The following TRIM5 variants were observed in gnomAD, a reference collection of about 807,000 sequenced individuals.
The protein encoded by TRIM5 is tripartite motif-containing protein 5.
Under a neutral mutation model 35.6 loss-of-function variants are expected in TRIM5, and 31 were observed. The observed-to-expected ratio is 0.87, with a 90% CI of 0.65 to 1.18. TRIM5 has a LOEUF of 1.18. TRIM5 is among the 50% of genes most tolerant of loss of function. TRIM5 has a pLI of 0.00. For synonymous variants in TRIM5, 243 were observed against 215.6 expected (o/e 1.13, Z -1.11); for missense variants, 609 against 591.6 (o/e 1.03, Z -0.31).
At chr11:5,616,241 G>A in the TRIM5 span, among the ~76,000 whole-genome samples, 27 of 146,062 alleles carry the variant, frequency 1.8e-4, 2 homozygotes, top group Non-Finnish European at 3.0e-4. Flanking sequence ...GTGAGCCACC[G>A]CGCCCGGCCT....
At chr11:5,642,843 G>C in the TRIM5 span, 2 of 1,613,348 alleles carry the variant, frequency 1.2e-6, no homozygotes, top group Non-Finnish European at 8.5e-7. Context: ...GTGCTACTGG[G>C]GTAAGAAAAA....
the TRIM5 span, among the ~76,000 whole-genome samples, chr11:5,593,930 C>T: frequency 6.6e-6 from 1 of 152,202 alleles, no homozygotes; most frequent in Non-Finnish European, 1.5e-5. Flanking sequence ...CCTTTTAACA[C>T]TAACAGTATT....
chr11:5,669,492 C>T (rs1473458026), intron 4 of TRIM5, among the ~76,000 whole-genome samples: 2 of 152,292 alleles, frequency 1.3e-5, no homozygotes, highest in South Asian at 2.1e-4. Flanking sequence ...TTATGCCAGA[C>T]ACAATTTTTC....
chr11:5,605,713 GT>G, the TRIM5 span: 1 of 1,003,724 alleles, frequency 1.0e-6, no homozygotes, highest in Non-Finnish European at 1.4e-6. Context: ...CTATTAAACT[GT>G]TTAGAGGTAT....
chr11:5,648,497 C>T, the TRIM5 span, among the ~76,000 whole-genome samples: 1 of 151,954 alleles, frequency 6.6e-6, no homozygotes, highest in African/African-American at 2.4e-5. Context: ...CAGAGGGAGA[C>T]TCCATCTCAA....
chr11:5,616,752 T>C, the TRIM5 span, among the ~76,000 whole-genome samples: 3 of 118,222 alleles, frequency 2.5e-5, no homozygotes, highest in Non-Finnish European at 5.4e-5. Context: ...TTTTTTTTTT[T>C]CCTTGAGATG....
the TRIM5 span, among the ~76,000 whole-genome samples, chr11:5,646,128 C>A: frequency 6.6e-6 from 1 of 150,460 alleles, no homozygotes; most frequent in Non-Finnish European, 1.5e-5. Flanking sequence ...CACACGTACA[C>A]ACACACATAT....
At chr11:5,639,679 CAAAAAAAAAAAA>C in the TRIM5 span, among the ~76,000 whole-genome samples, 181 of 51,144 alleles carry the variant, frequency 3.5e-3, 2 homozygotes, top group South Asian at 4.6e-3. Context: ...GACTCTATTT[CAAAAAAAAAAAA>C]AAAAAAAAAA....
At chr11:5,653,320 A>G in the TRIM5 span, among the ~76,000 whole-genome samples, 1 of 152,052 alleles carries the variant, frequency 6.6e-6, no homozygotes, top group South Asian at 2.1e-4. Flanking sequence ...TTTGGGTTGA[A>G]CATATGTGTT....
the TRIM5 span, chr11:5,604,742 G>GCCT: frequency 8.8e-7 from 1 of 1,136,286 alleles, no homozygotes; most frequent in Non-Finnish European, 1.2e-6. Context: ...GACTAGAAGA[G>GCCT]CTTCCCTTTG....
the TRIM5 span, among the ~76,000 whole-genome samples, chr11:5,646,771 G>C: frequency 6.6e-6 from 1 of 152,098 alleles, no homozygotes; most frequent in Non-Finnish European, 1.5e-5. Flanking sequence ...CTTGACCCTA[G>C]AACCAGACAA....
chr11:5,633,142 CTTTCT>C, the TRIM5 span, among the ~76,000 whole-genome samples: 11 of 104,166 alleles, frequency 1.1e-4, no homozygotes, highest in African/African-American at 2.2e-4. Flanking sequence ...CCGGCCTTTT[CTTTCT>C]TTTTTTTTTT....
At chr11:5,659,922 T>A (rs979332114), downstream of TRIM5, among the ~76,000 whole-genome samples, 1 of 152,204 alleles carries the variant, frequency 6.6e-6, no homozygotes, top group South Asian at 2.1e-4. Context: ...TATTCCTCTA[T>A]ATCTCTTCTT....
Position 5,663,433 on chromosome 11 carries a change from A to C in TRIM5, c.*1376T>G. 2 of 985,226 alleles carry C rather than the reference A, an allele frequency of 2.0e-6. No homozygotes were observed. Among genetic ancestry groups the C allele is most frequent in the Non-Finnish European group, 2.4e-6 (2 of 829,720 alleles). The allele number at this position is 985,226 out of a possible 1,614,324, so 61.0% of individuals were successfully genotyped here. ...GACAGTAGTATCTGAGATCTAAAAA[A>C]TGAGAATTTAGTAAATCCAATCCTA... is the stretch of plus-strand genomic sequence containing the variant. On this transcript the variant is annotated 3_prime_UTR_variant, in exon 8 of 8. Coordinates refer to ENST00000380034, the MANE Select transcript of TRIM5 (RefSeq NM_033034.3).
At chr11:5,675,142 C>T (rs1388027994) in intron 4 of TRIM5, among the ~76,000 whole-genome samples, 1 of 152,000 alleles carries the variant, frequency 6.6e-6, no homozygotes, top group Non-Finnish European at 1.5e-5. Context: ...TATTCTCCTG[C>T]CTCAGCCTCC....
the TRIM5 span, among the ~76,000 whole-genome samples, chr11:5,651,131 T>C: frequency 6.6e-6 from 1 of 152,166 alleles, no homozygotes; most frequent in African/African-American, 2.4e-5. Context: ...GTCCTGTGCC[T>C]CTCTTTTGGT....
At chr11:5,663,080 G>T, downstream of TRIM5, 1 of 296,848 alleles carries the variant, frequency 3.4e-6, no homozygotes, top group Non-Finnish European at 5.0e-6. Flanking sequence ...AGCCGAGATC[G>T]TGCCATTGCA....
At chr11:5,626,098 C>T in the TRIM5 span, among the ~76,000 whole-genome samples, 1 of 152,222 alleles carries the variant, frequency 6.6e-6, no homozygotes, top group African/African-American at 2.4e-5. Context: ...CATCCTGTGT[C>T]TCTGCCTTAC....
At chr11:5,610,869 G>A in the TRIM5 span, 2 of 1,614,158 alleles carry the variant, frequency 1.2e-6, no homozygotes, top group Non-Finnish European at 8.5e-7. Context: ...TAAAGTATCT[G>A]GACCTTCCTG....
Sources: gnomAD v4.1 joint callset for allele counts (sites outside exome capture counted in the v4.1 genomes callset) on GRCh38, gnomAD v4.1.1 for gene constraint, MANE v1.5 for transcripts, NCBI Gene and HGNC (gene_info 2026-07-23, HGNC 2026-07-21) for gene names.